TNRC6A: variants seen among roughly 807,000 people sequenced by gnomAD.
TNRC6A encodes the protein trinucleotide repeat containing adaptor 6A, also known as trinucleotide repeat-containing gene 6A protein.
Under a neutral mutation model 221.2 loss-of-function variants are expected in TNRC6A, and 44 were observed. That is an observed-to-expected ratio of 0.20 (90% CI 0.16 to 0.26). The LOEUF is 0.26. TNRC6A is among the 10% of genes least tolerant of loss of function. The probability of loss-of-function intolerance (pLI) is 1.00; values close to 1 mark genes in which losing one functional copy is unlikely to be tolerated. For missense variants in TNRC6A, 2,199 were observed against 2,404.4 expected (o/e 0.91, Z 1.79); for synonymous variants, 847 against 838.5 (o/e 1.01, Z -0.18).
intron 2 of TNRC6A, among the ~76,000 whole-genome samples, chr16:24,709,055 G>C (rs191642342): frequency 6.6e-6 from 1 of 151,966 alleles, no homozygotes; most frequent in African/African-American, 2.4e-5. Context: ...TCGGGAGTTC[G>C]AGACCAGCCT....
chr16:24,775,751 GTT>G (rs1016772457), intron 4 of TNRC6A, among the ~76,000 whole-genome samples: 32 of 152,194 alleles, frequency 2.1e-4, no homozygotes, highest in Non-Finnish European at 4.0e-4. Flanking sequence ...ATAGTGGGCT[GTT>G]TTAATTCCAG....
intron 4 of TNRC6A, among the ~76,000 whole-genome samples, chr16:24,760,754 G>T (rs1390584513): frequency 6.6e-6 from 1 of 152,098 alleles, no homozygotes; most frequent in Non-Finnish European, 1.5e-5. Context: ...AATAATTTTA[G>T]ATTTACAAAA....
intron 2 of TNRC6A, among the ~76,000 whole-genome samples, chr16:24,691,663 G>C (rs1040567934): frequency 6.6e-6 from 1 of 152,138 alleles, no homozygotes; most frequent in African/African-American, 2.4e-5. Context: ...AGCTGCTCAG[G>C]AGGCTGAGGT....
At chr16:24,717,942 ATATTTTTAG>A (rs1218779756) in intron 2 of TNRC6A, among the ~76,000 whole-genome samples, 1 of 151,246 alleles carries the variant, frequency 6.6e-6, no homozygotes, top group Non-Finnish European at 1.5e-5. Context: ...AGCTAATTTT[ATATTTTTAG>A]TATTTTTAGT....
intron 1 of TNRC6A, among the ~76,000 whole-genome samples, chr16:24,637,292 C>G (rs942198045): frequency 2.0e-5 from 3 of 152,150 alleles, no homozygotes; most frequent in Admixed American, 2.0e-4. Flanking sequence ...CCCAGTCTCC[C>G]AAAGTGCTGG....
intron 2 of TNRC6A, among the ~76,000 whole-genome samples, chr16:24,698,831 C>T (rs1251366288): frequency 6.6e-6 from 1 of 152,208 alleles, no homozygotes; most frequent in East Asian, 1.9e-4. Flanking sequence ...CTGCCTCAGC[C>T]TCCCAAGTAG....
chr16:24,641,843 T>G (rs960154037), intron 2 of TNRC6A, among the ~76,000 whole-genome samples: 2 of 152,138 alleles, frequency 1.3e-5, no homozygotes, highest in African/African-American at 4.8e-5. Flanking sequence ...ATACATCAAG[T>G]GAATTAAACA....
At chr16:24,806,095 G>T in intron 15 of TNRC6A, 111 bp from the exon 16 acceptor site, 1 of 1,140,394 alleles carries the variant, frequency 8.8e-7, no homozygotes, top group Non-Finnish European at 1.3e-6. Context: ...AGACATGTTG[G>T]CATTGGCTAG....
chr16:24,742,118 G>T (rs2151302028), intron 2 of TNRC6A, among the ~76,000 whole-genome samples: 1 of 152,300 alleles, frequency 6.6e-6, no homozygotes, highest in East Asian at 1.9e-4. Flanking sequence ...TTACAGGTAT[G>T]AGCCACCACA....
At position 24,823,798 on chromosome 16, in the gene TNRC6A, G is replaced by C; in HGVS notation, c.5880G>C (p.Glu1960Asp). Residue 1960 changes from glutamate to aspartate, a missense_variant, in exon 25 of 25, where the codon GAG (glutamate) becomes GAC (aspartate). Coordinates refer to ENST00000395799, the MANE Select transcript of TNRC6A (RefSeq NM_014494.4). The surrounding 1 kb of genome is among the most constrained non-coding windows in gnomAD (Gnocchi z 4.3). ...TTGACCACCTGGGTGGGGGTGGAGA[G>C]TCCATGTAACAGTGTAGATGCAGAC... ...LSVDHLGGGG[E>D]SM 1 of 1,471,338 alleles carries C rather than the reference G, an allele frequency of 6.8e-7. No homozygotes were observed. The highest frequency in any genetic ancestry group is 1.5e-5 in the South Asian group (1 of 66,516). The allele number at this position is 1,471,338 out of a possible 1,614,324, so 91.1% of individuals were successfully genotyped here.
Position 24,824,126 on chromosome 16 carries a change from A to ACCCCCCCC in TNRC6A, c.*323_*330dup, listed in dbSNP as rs55802473. 2 of 25,976 alleles carry ACCCCCCCC rather than the reference A, an allele frequency of 7.7e-5. No homozygotes were observed. The highest frequency in any genetic ancestry group is 2.8e-4 in the African/African-American group (2 of 7,240). 1.6% of individuals were successfully genotyped at this position (25,976 alleles called of 1,614,324 possible). ...TTTTTTTTCCTTCTATTCCTCCCCA[A>ACCCCCCCC]CCCCCCCCCCCGCCCCTTTTTTTCT... On this transcript the variant is annotated 3_prime_UTR_variant, in exon 25 of 25. Transcript: ENST00000395799.
chr16:24,727,751 AT>A (rs1330212115), upstream of TNRC6A, among the ~76,000 whole-genome samples: 1 of 152,204 alleles, frequency 6.6e-6, no homozygotes, highest in Non-Finnish European at 1.5e-5. Flanking sequence ...ATATGTTCAT[AT>A]TTTTAAACTC....
chr16:24,654,576 A>G (rs1182629860), intron 2 of TNRC6A, among the ~76,000 whole-genome samples: 1 of 151,986 alleles, frequency 6.6e-6, no homozygotes, highest in Non-Finnish European at 1.5e-5. Context: ...GCATGGTGCT[A>G]ATGTCTGTGG....
chr16:24,791,046 G>T lies in TNRC6A; in HGVS notation c.2404G>T (p.Gly802Trp), dbSNP rs145823978. The part of the protein sequence containing the change: ...WGDSKGSNCQ[G>W]GWEDDSAATG... The stretch of plus-strand genomic sequence containing the variant: ...AGATTCCAAAGGCTCAAACTGCCAG[G>T]GGGGGTGGGAAGATGATTCTGCTGC... The change falls in exon 6 of 25, where the codon GGG becomes TGG. Residue 802 changes from glycine (G) to tryptophan (W), a missense_variant. Gly to Trp is a radical substitution (Grantham distance 184, BLOSUM62 -2). Coordinates refer to ENST00000395799, the MANE Select transcript of TNRC6A (RefSeq NM_014494.4). 1.4e-5 allele frequency: 22 copies of T among 1,595,642 alleles called. No homozygotes were observed. Among genetic ancestry groups the T allele is most frequent in the South Asian group, 3.5e-5 (3 of 86,870 alleles).
At chr16:24,690,814 T>C (rs1243955267) in intron 2 of TNRC6A, among the ~76,000 whole-genome samples, 1 of 150,556 alleles carries the variant, frequency 6.6e-6, no homozygotes, top group Non-Finnish European at 1.5e-5. Context: ...TTCTTTCTTT[T>C]TTTTTTTTTT....
At chr16:24,749,296 A>G (rs369554032) in intron 2 of TNRC6A, among the ~76,000 whole-genome samples, 10 of 152,100 alleles carry the variant, frequency 6.6e-5, no homozygotes, top group African/African-American at 2.4e-4. Context: ...TTGATTGGCA[A>G]GCTTTACTTT....
At chr16:24,783,191 C>T (rs1007937115) in intron 5 of TNRC6A, among the ~76,000 whole-genome samples, 11 of 151,752 alleles carry the variant, frequency 7.2e-5, no homozygotes, top group East Asian at 3.9e-4. Context: ...TGCAGTGGTG[C>T]GATCTCTGCT....
At chr16:24,633,877 G>C (rs1417708126) in intron 1 of TNRC6A, among the ~76,000 whole-genome samples, 1 of 151,590 alleles carries the variant, frequency 6.6e-6, no homozygotes, top group East Asian at 1.9e-4. Context: ...CTGCCTCCCG[G>C]TTCCAGGGAT....
At chr16:24,766,453 C>G (rs1331578876) in intron 4 of TNRC6A, among the ~76,000 whole-genome samples, 3 of 152,088 alleles carry the variant, frequency 2.0e-5, no homozygotes, top group East Asian at 1.9e-4. Context: ...CCAGCTAATT[C>G]AGGGTTCCTC....
Sources: allele counts gnomAD v4.1 joint callset (sites outside exome capture counted in the v4.1 genomes callset), GRCh38; gene constraint gnomAD v4.1.1; non-coding constraint Gnocchi (gnomAD v3.1); transcripts MANE v1.5; gene names NCBI Gene and HGNC (gene_info 2026-07-23, HGNC 2026-07-21).